ATRNL1: variants seen among roughly 807,000 people sequenced by gnomAD.
The protein encoded by ATRNL1 is attractin-like protein 1.
A neutral mutation model predicts 182.7 loss-of-function variants in ATRNL1; 95 were observed. The ratio of observed to expected loss-of-function variants is 0.52; its 90% confidence interval spans 0.44 to 0.62. The LOEUF is 0.62. Ranked by LOEUF, ATRNL1 falls within the 20% of genes least tolerant of loss-of-function variation. ATRNL1 has a pLI of 0.00. For missense variants in ATRNL1, 1,471 were observed against 1,679.5 expected, an observed-to-expected ratio of 0.88 and a Z score of 2.17; for synonymous variants, 576 against 568.3, an observed-to-expected ratio of 1.01 and a Z score of -0.19.
Position 115,309,679 on chromosome 10 carries a change from T to C in ATRNL1, c.2819-5839T>C, listed in dbSNP as rs368892590. Among the ~76,000 whole-genome samples the C allele has an allele frequency of 5.3e-5, 8 of 152,218 alleles. No homozygotes were observed. In the East Asian group the frequency reaches 1.5e-3, roughly 29 times the overall value. Reference sequence around the variant, plus strand: ...AATCTAGGAGTCTTTTGGAGGGCTCTTTAGGGTTTTCTAGGTATACAATCA... The same window carrying C: ...AATCTAGGAGTCTTTTGGAGGGCTCCTTAGGGTTTTCTAGGTATACAATCA... On this transcript the variant is annotated intron_variant, in intron 17 of 28. Transcript: ENST00000355044.
chr10:115,369,950 G>A (rs1280077798), intron 19 of ATRNL1, among the ~76,000 whole-genome samples: 1 of 152,228 alleles, frequency 6.6e-6, no homozygotes, highest in Non-Finnish European at 1.5e-5. Context: ...TGGAGCTGCT[G>A]TAATTGCCAG....
At position 115,160,063 on chromosome 10, in the gene ATRNL1, C is replaced by A. The variant is rs782085376; in HGVS notation, c.853C>A (p.Pro285Thr). 2.5e-6 allele frequency: 4 copies of A among 1,605,830 alleles called. No homozygotes were observed. Among genetic ancestry groups the A allele is most frequent in the Non-Finnish European group, 3.4e-6 (4 of 1,176,096 alleles). Residue 285 changes from proline (P) to threonine (T), a missense_variant, in exon 6 of 29, where the codon CCC (proline) becomes ACC (threonine). By Grantham distance (38) the Pro-to-Thr change is conservative. Coordinates refer to ENST00000355044, the MANE Select transcript of ATRNL1 (RefSeq NM_207303.4). Reference protein sequence around the residue: ...WQGPDCSLNVPSTESYWILPN... With the variant: ...WQGPDCSLNVTSTESYWILPN... Reference sequence around the variant, plus strand: ...AGGTCCTGATTGTTCTTTGAATGTTCCCTCTACTGAGTCTTACTGGATTCT... The same window carrying A: ...AGGTCCTGATTGTTCTTTGAATGTTACCTCTACTGAGTCTTACTGGATTCT...
chr10:115,802,161 G>T lies in ATRNL1; in HGVS notation c.3904-45716G>T, dbSNP rs557475755. Reference sequence around the variant, plus strand: ...TCCTCCCAGAGACTACTAAGGCCATGTCAAGGAAGCTGTCTCCCCTATGGT... The same window carrying T: ...TCCTCCCAGAGACTACTAAGGCCATTTCAAGGAAGCTGTCTCCCCTATGGT... On this transcript the variant is annotated intron_variant, in intron 27 of 28. Coordinates refer to ENST00000355044, the MANE Select transcript of ATRNL1 (RefSeq NM_207303.4). Among the ~76,000 whole-genome samples the T allele has an allele frequency of 8.0e-4, 122 of 152,102 alleles. 1 individual carries two copies. The highest frequency in any genetic ancestry group is 8.0e-3 in the Admixed American group (122 of 15,252).
intron 19 of ATRNL1, among the ~76,000 whole-genome samples, chr10:115,382,692 C>CTTTTTTTTTTTTTTTTT (rs34063669): frequency 8.7e-6 from 1 of 114,288 alleles, no homozygotes; most frequent in Non-Finnish European, 1.9e-5. Context: ...CTGTTCTTTG[C>CTTTTTTTTTTTTTTTTT]TTTTTTTTTT....
chr10:115,913,516 T>C (rs915406424), intron 28 of ATRNL1, among the ~76,000 whole-genome samples: 2 of 152,228 alleles, frequency 1.3e-5, no homozygotes, highest in Non-Finnish European at 1.5e-5. Flanking sequence ...TTCTACCTCA[T>C]AGGGATGGTG....
chr10:115,658,025 C>T (rs979149138), intron 26 of ATRNL1, among the ~76,000 whole-genome samples: 2 of 150,788 alleles, frequency 1.3e-5, no homozygotes, highest in African/African-American at 2.4e-5. Context: ...TAATAGTATA[C>T]CTTTTAACTA....
intron 10 of ATRNL1, among the ~76,000 whole-genome samples, chr10:115,263,697 A>G (rs1297407020): frequency 1.3e-5 from 2 of 151,800 alleles, no homozygotes; most frequent in East Asian, 3.8e-4. Flanking sequence ...CACCAACCTA[A>G]TAGTGCTACA....
intron 13 of ATRNL1, among the ~76,000 whole-genome samples, chr10:115,271,049 T>C (rs1382532076): frequency 6.6e-6 from 1 of 152,102 alleles, no homozygotes; most frequent in Admixed American, 6.6e-5. Flanking sequence ...TTTACTCCTC[T>C]CCTTGATATT....
At chr10:115,794,306 T>C (rs1183781838) in intron 27 of ATRNL1, among the ~76,000 whole-genome samples, 1 of 152,162 alleles carries the variant, frequency 6.6e-6, no homozygotes, top group African/African-American at 2.4e-5. Context: ...CCTAATACTT[T>C]GATGTATATC....
At chr10:115,400,475 G>A (rs1844513013) in intron 20 of ATRNL1, among the ~76,000 whole-genome samples, 1 of 152,050 alleles carries the variant, frequency 6.6e-6, no homozygotes. Flanking sequence ...ATCCAGTGCT[G>A]AATTCAGGTC....
intron 13 of ATRNL1, among the ~76,000 whole-genome samples, chr10:115,280,726 T>C (rs1158199545): frequency 1.3e-5 from 2 of 152,186 alleles, no homozygotes; most frequent in African/African-American, 2.4e-5. Context: ...GTGTAGACCA[T>C]GAAAAGTCTG....
chr10:115,594,281 T>C (rs1856096321), intron 26 of ATRNL1, among the ~76,000 whole-genome samples: 1 of 152,136 alleles, frequency 6.6e-6, no homozygotes, highest in South Asian at 2.1e-4. Context: ...TATTTTATAT[T>C]TCTCACATAT....
chr10:115,507,245 T>TG (rs1850159401), intron 24 of ATRNL1, among the ~76,000 whole-genome samples: 1 of 152,022 alleles, frequency 6.6e-6, no homozygotes, highest in African/African-American at 2.4e-5. Context: ...TTGAATGAAA[T>TG]GGGAAGCAGG....
intron 20 of ATRNL1, among the ~76,000 whole-genome samples, chr10:115,395,558 G>A (rs528904743): frequency 1.7e-4 from 26 of 151,608 alleles, no homozygotes; most frequent in Admixed American, 1.2e-3. Flanking sequence ...TCTCTATGCC[G>A]TTCTTTTTTC....
intron 28 of ATRNL1, among the ~76,000 whole-genome samples, chr10:115,882,493 C>T (rs1185595047): frequency 1.3e-5 from 2 of 152,172 alleles, no homozygotes; most frequent in African/African-American, 4.8e-5. Context: ...TGTGCTATTT[C>T]GTACTTCATT....
At chr10:115,255,921 TTA>T (rs1392448355) in intron 10 of ATRNL1, among the ~76,000 whole-genome samples, 1 of 152,202 alleles carries the variant, frequency 6.6e-6, no homozygotes, top group Non-Finnish European at 1.5e-5. Flanking sequence ...TTGGTTCTGT[TTA>T]TGTTATGGAT....
chr10:115,532,568 C>T (rs1209438271), intron 25 of ATRNL1, among the ~76,000 whole-genome samples: 4 of 151,686 alleles, frequency 2.6e-5, no homozygotes, highest in African/African-American at 9.7e-5. Flanking sequence ...ATGTCGTCTG[C>T]AAACAGGGAC....
At chr10:115,861,969 G>A (rs1555103569) in intron 28 of ATRNL1, among the ~76,000 whole-genome samples, 1 of 152,108 alleles carries the variant, frequency 6.6e-6, no homozygotes, top group African/African-American at 2.4e-5. Flanking sequence ...AAAAAATAAT[G>A]TTTCATAGAT....
intron 28 of ATRNL1, among the ~76,000 whole-genome samples, chr10:115,870,399 C>T (rs1156462447): frequency 1.3e-5 from 2 of 152,164 alleles, no homozygotes; most frequent in African/African-American, 2.4e-5. Flanking sequence ...TAAGGCCATC[C>T]TTTTGCATAT....
Sources: allele counts gnomAD v4.1 joint callset (sites outside exome capture counted in the v4.1 genomes callset), GRCh38; gene constraint gnomAD v4.1.1; transcripts MANE v1.5; gene names NCBI Gene and HGNC (gene_info 2026-07-23, HGNC 2026-07-21).